The following CSNK2A2IP variants were observed in gnomAD, a reference collection of about 807,000 sequenced individuals.
CSNK2A2IP encodes the protein casein kinase 2 subunit alpha' interacting protein.
the CSNK2A2IP span, among the ~76,000 whole-genome samples, chr3:88,388,165 T>C: frequency 1.1e-4 from 16 of 152,226 alleles, no homozygotes; most frequent in Non-Finnish European, 2.2e-4. Flanking sequence ...TTTCTAACAA[T>C]TCCATGACGT....
the CSNK2A2IP span, among the ~76,000 whole-genome samples, chr3:88,387,808 C>T: frequency 6.6e-6 from 1 of 152,136 alleles, no homozygotes; most frequent in South Asian, 2.1e-4. Flanking sequence ...TCACTGCAGC[C>T]TTGAACTCCT....
At chr3:88,385,057 T>C in the CSNK2A2IP span, among the ~76,000 whole-genome samples, 1 of 152,142 alleles carries the variant, frequency 6.6e-6, no homozygotes, top group African/African-American at 2.4e-5. Context: ...GGAAAGATGT[T>C]AGATGGAGAT....
chr3:88,362,398 A>G, the CSNK2A2IP span, among the ~76,000 whole-genome samples: 2 of 152,198 alleles, frequency 1.3e-5, no homozygotes, highest in Admixed American at 6.5e-5. Context: ...GGGGAAGATA[A>G]GGGAGAATTC....
the CSNK2A2IP span, among the ~76,000 whole-genome samples, chr3:88,449,311 T>A: frequency 6.6e-6 from 1 of 152,172 alleles, no homozygotes; most frequent in African/African-American, 2.4e-5. Flanking sequence ...TTATTTTCTG[T>A]GAATGCTCAT....
chr3:88,357,677 G>T, the CSNK2A2IP span, among the ~76,000 whole-genome samples: 1 of 151,968 alleles, frequency 6.6e-6, no homozygotes, highest in Non-Finnish European at 1.5e-5. Context: ...GGGTAGTATG[G>T]ACAATTTAAC....
At chr3:88,345,939 C>G in the CSNK2A2IP span, among the ~76,000 whole-genome samples, 66 of 152,074 alleles carry the variant, frequency 4.3e-4, no homozygotes, top group South Asian at 0.013. Context: ...AAACAGCCAA[C>G]TGGAGAATGC....
chr3:88,370,616 CTT>C, the CSNK2A2IP span, among the ~76,000 whole-genome samples: 15 of 149,770 alleles, frequency 1.0e-4, no homozygotes, highest in Non-Finnish European at 2.1e-4. Context: ...CTCTCTCTTT[CTT>C]TCTTTCTTTC....
At chr3:88,452,212 C>T in the CSNK2A2IP span, among the ~76,000 whole-genome samples, 2 of 151,146 alleles carry the variant, frequency 1.3e-5, no homozygotes, top group Non-Finnish European at 2.9e-5. Context: ...GCATCCTATG[C>T]CCCTGTCATA....
the CSNK2A2IP span, among the ~76,000 whole-genome samples, chr3:88,392,520 G>A: frequency 1.3e-5 from 2 of 152,130 alleles, no homozygotes; most frequent in African/African-American, 2.4e-5. Context: ...AAAGCTAAGA[G>A]AATATGTGAC....
chr3:88,390,667 T>G, the CSNK2A2IP span, among the ~76,000 whole-genome samples: 1 of 152,208 alleles, frequency 6.6e-6, no homozygotes, highest in Non-Finnish European at 1.5e-5. Flanking sequence ...CTATTAGGTG[T>G]GAAGGTTGCA....
At chr3:88,456,088 T>C in the CSNK2A2IP span, among the ~76,000 whole-genome samples, 1 of 152,082 alleles carries the variant, frequency 6.6e-6, no homozygotes, top group Non-Finnish European at 1.5e-5. Context: ...GCTACCATAC[T>C]GTTCTGATTA....
At chr3:88,404,583 C>A in the CSNK2A2IP span, among the ~76,000 whole-genome samples, 13 of 122,534 alleles carry the variant, frequency 1.1e-4, no homozygotes, top group South Asian at 5.9e-4. Flanking sequence ...TCCTTTTCCT[C>A]TCCATTTACT....
the CSNK2A2IP span, among the ~76,000 whole-genome samples, chr3:88,383,201 C>T: frequency 2.2e-3 from 331 of 152,192 alleles, 2 homozygotes; most frequent in African/African-American, 7.7e-3. Context: ...CCCCTTAACT[C>T]TCAAATCCAA....
At chr3:88,394,177 G>T in the CSNK2A2IP span, among the ~76,000 whole-genome samples, 331 of 152,240 alleles carry the variant, frequency 2.2e-3, 2 homozygotes, top group African/African-American at 7.7e-3. Context: ...CTGGGATATT[G>T]GGTACATATA....
chr3:88,427,473 T>C, the CSNK2A2IP span, among the ~76,000 whole-genome samples: 7 of 152,164 alleles, frequency 4.6e-5, no homozygotes, highest in Non-Finnish European at 7.4e-5. Flanking sequence ...GGGGAAAATG[T>C]CTCCAGGGCG....
chr3:88,420,101 T>A, the CSNK2A2IP span, among the ~76,000 whole-genome samples: 1 of 152,280 alleles, frequency 6.6e-6, no homozygotes, highest in East Asian at 1.9e-4. Context: ...TATTGGTATT[T>A]TTCAATATCT....
the CSNK2A2IP span, among the ~76,000 whole-genome samples, chr3:88,380,112 C>A: frequency 6.6e-6 from 1 of 151,810 alleles, no homozygotes; most frequent in Non-Finnish European, 1.5e-5. Context: ...ACTGTTAATG[C>A]AATTCTCCAT....
chr3:88,392,343 C>T, the CSNK2A2IP span, among the ~76,000 whole-genome samples: 1 of 152,076 alleles, frequency 6.6e-6, no homozygotes, highest in Admixed American at 6.6e-5. Flanking sequence ...AATTTTTACA[C>T]ACCCCGAAAT....
the CSNK2A2IP span, chr3:88,465,995 C>A: frequency 1.6e-6 from 2 of 1,231,610 alleles, no homozygotes; most frequent in Non-Finnish European, 2.0e-6. Flanking sequence ...GCCCTTAGCT[C>A]GACATTGCTT....
Sources: gnomAD v4.1 joint callset for allele counts (sites outside exome capture counted in the v4.1 genomes callset) on GRCh38, gnomAD v4.1.1 for gene constraint, MANE v1.5 for transcripts, NCBI Gene and HGNC (gene_info 2026-07-23, HGNC 2026-07-21) for gene names.